Variants in HS6ST3 observed in about 807,000 individuals in gnomAD.
HS6ST3 encodes the protein heparan sulfate 6-O-sulfotransferase 3.
Under a neutral mutation model 36.7 loss-of-function variants are expected in HS6ST3, and 12 were observed. That is an observed-to-expected ratio of 0.33 (90% CI 0.21 to 0.53). HS6ST3 has a LOEUF of 0.53. Ranked by LOEUF, HS6ST3 falls within the 20% of genes least tolerant of loss-of-function variation. HS6ST3 has a pLI of 0.95. For missense variants in HS6ST3, 584 were observed against 640.9 expected, an observed-to-expected ratio of 0.91 and a Z score of 0.96; for synonymous variants, 240 against 257.5, an observed-to-expected ratio of 0.93 and a Z score of 0.65.
chr13:96,450,703 A>T (rs2055723481), intron 1 of HS6ST3, among the ~76,000 whole-genome samples: 1 of 152,360 alleles, frequency 6.6e-6, no homozygotes, highest in African/African-American at 2.4e-5. Context: ...ATAAGCAATT[A>T]TGCTGTAGCA....
chr13:96,802,052 T>C (rs990518811), intron 1 of HS6ST3, among the ~76,000 whole-genome samples: 2 of 152,072 alleles, frequency 1.3e-5, no homozygotes, highest in Non-Finnish European at 2.9e-5. Flanking sequence ...AAATACATTA[T>C]CCAGCAATGG....
chr13:96,291,227 G>A lies in HS6ST3; in HGVS notation c.707+199658G>A, dbSNP rs547907958. Among the ~76,000 whole-genome samples, 1,060 of 152,034 alleles carry A rather than the reference G, an allele frequency of 7.0e-3. 11 individuals are homozygous for A. Among genetic ancestry groups the A allele is most frequent in the Non-Finnish European group, 0.011 (746 of 67,984 alleles). On this transcript the variant is annotated intron_variant, in intron 1 of 1. Transcript: ENST00000376705. ...GTGTCATTCAATACGTAATCCTTAG[G>A]GCCTCATATAGTCTCTGGCATATAG...
chr13:96,767,781 C>T (rs1877153378), intron 1 of HS6ST3, among the ~76,000 whole-genome samples: 1 of 152,068 alleles, frequency 6.6e-6, no homozygotes, highest in Admixed American at 6.6e-5. Context: ...CATATGTAGT[C>T]CAAATGTGCA....
chr13:96,458,443 G>A (rs2055764910), intron 1 of HS6ST3, among the ~76,000 whole-genome samples: 1 of 152,150 alleles, frequency 6.6e-6, no homozygotes, highest in Non-Finnish European at 1.5e-5. Flanking sequence ...TTTTAATGGA[G>A]CCATTTCTCT....
intron 1 of HS6ST3, among the ~76,000 whole-genome samples, chr13:96,234,043 AATGG>A (rs1281981588): frequency 6.6e-6 from 1 of 151,988 alleles, no homozygotes; most frequent in Admixed American, 6.6e-5. Flanking sequence ...CACGTTCTGC[AATGG>A]ATGCAACTTA....
At chr13:96,372,657 G>A (rs1435763552) in intron 1 of HS6ST3, among the ~76,000 whole-genome samples, 1 of 152,150 alleles carries the variant, frequency 6.6e-6, no homozygotes, top group African/African-American at 2.4e-5. Flanking sequence ...GTTGATTTTT[G>A]TGTATAGTGT....
chr13:96,098,911 T>C (rs2053804635), intron 1 of HS6ST3, among the ~76,000 whole-genome samples: 1 of 152,202 alleles, frequency 6.6e-6, no homozygotes, highest in South Asian at 2.1e-4. Flanking sequence ...TATTATTTTC[T>C]CCTGAGACTC....
chr13:96,216,862 A>G (rs933496807), intron 1 of HS6ST3, among the ~76,000 whole-genome samples: 1 of 152,196 alleles, frequency 6.6e-6, no homozygotes, highest in African/African-American at 2.4e-5. Flanking sequence ...TTTACTAAAA[A>G]TAAAAGGAAC....
At chr13:96,511,331 C>G (rs1430336265) in intron 1 of HS6ST3, among the ~76,000 whole-genome samples, 1 of 152,022 alleles carries the variant, frequency 6.6e-6, no homozygotes, top group Admixed American at 6.6e-5. Context: ...CTACTTTATG[C>G]TCCAGGATGA....
At chr13:96,553,252 A>G (rs1220332664) in intron 1 of HS6ST3, among the ~76,000 whole-genome samples, 1 of 152,198 alleles carries the variant, frequency 6.6e-6, no homozygotes, top group African/African-American at 2.4e-5. Context: ...TATTCAGCAT[A>G]TGCTTACTGA....
intron 1 of HS6ST3, among the ~76,000 whole-genome samples, chr13:96,513,078 A>G (rs930513439): frequency 1.3e-5 from 2 of 152,082 alleles, no homozygotes; most frequent in East Asian, 1.9e-4. Context: ...TTGAAATTCT[A>G]TGGACTTCTG....
chr13:96,205,161 A>G (rs1415855000), intron 1 of HS6ST3, among the ~76,000 whole-genome samples: 1 of 152,094 alleles, frequency 6.6e-6, no homozygotes, highest in East Asian at 1.9e-4. Context: ...CACTGACCCC[A>G]AGAAATACAA....
intron 1 of HS6ST3, among the ~76,000 whole-genome samples, chr13:96,537,313 C>A (rs2056159758): frequency 6.6e-6 from 1 of 152,154 alleles, no homozygotes; most frequent in Non-Finnish European, 1.5e-5. Context: ...ATTCAGTTAT[C>A]TCCCAGGGGT....
At chr13:96,449,520 A>C (rs1594782844) in intron 1 of HS6ST3, among the ~76,000 whole-genome samples, 1 of 152,158 alleles carries the variant, frequency 6.6e-6, no homozygotes, top group Non-Finnish European at 1.5e-5. Context: ...CTTCATTGTT[A>C]CCAAATAAAG....
chr13:96,196,730 C>T (rs2054316086), intron 1 of HS6ST3, among the ~76,000 whole-genome samples: 2 of 152,180 alleles, frequency 1.3e-5, no homozygotes, highest in Non-Finnish European at 2.9e-5. Context: ...CAGCAGCAAC[C>T]ACGGAGGGAC....
At chr13:96,152,483 G>T (rs1309016000) in intron 1 of HS6ST3, among the ~76,000 whole-genome samples, 1 of 151,728 alleles carries the variant, frequency 6.6e-6, no homozygotes, top group Admixed American at 6.6e-5. Context: ...GACTACAGGC[G>T]CCCGCCACCA....
Position 96,533,680 on chromosome 13 carries a change from C to T in HS6ST3, c.708-298810C>T, listed in dbSNP as rs544308798. On this transcript the variant is annotated intron_variant, in intron 1 of 1. Coordinates refer to ENST00000376705, the MANE Select transcript of HS6ST3 (RefSeq NM_153456.4). ...TATAGATCCTTGATAAATGAGGCCG[C>T]GGAAGCCATCAAACATGATGACTAA... 2.6e-4 allele frequency among the ~76,000 whole-genome samples: 39 copies of T among 152,236 alleles called. 1 individual carries two copies. In the South Asian group the frequency reaches 5.4e-3, roughly 21 times the overall value.
At chr13:96,138,821 A>G (rs1019682012) in intron 1 of HS6ST3, among the ~76,000 whole-genome samples, 1 of 152,162 alleles carries the variant, frequency 6.6e-6, no homozygotes, top group Non-Finnish European at 1.5e-5. Context: ...AAAATGATAT[A>G]AAATTATAAG....
rs117282943 is a variant in HS6ST3, at chr13:96,649,779, A to G, written c.708-182711A>G. 4.1e-3 allele frequency among the ~76,000 whole-genome samples: 620 copies of G among 151,834 alleles called. 5 individuals are homozygous for G. Among genetic ancestry groups the G allele is most frequent in the East Asian group, 0.021 (107 of 5,144 alleles). ...CTCAAAGTAAAATTCTTAAAAATAT[A>G]GGTCAGATAATGTCACTCCCTGACT... On this transcript the variant is annotated intron_variant, in intron 1 of 1. Transcript: ENST00000376705.
Sources: gnomAD v4.1 joint callset for allele counts (sites outside exome capture counted in the v4.1 genomes callset) on GRCh38, gnomAD v4.1.1 for gene constraint, MANE v1.5 for transcripts, NCBI Gene and HGNC (gene_info 2026-07-23, HGNC 2026-07-21) for gene names.